The following PITPNM2 variants were observed in gnomAD, a reference collection of about 807,000 sequenced individuals.
PITPNM2 encodes phosphatidylinositol transfer protein membrane associated 2.
PITPNM2 carries 35 observed loss-of-function variants against 132.2 expected under a neutral mutation model. The ratio of observed to expected loss-of-function variants is 0.26; its 90% CI spans 0.20 to 0.35. The LOEUF (loss-of-function observed/expected upper bound fraction) is 0.35, where lower values mean the gene tolerates loss of function less well. PITPNM2 is among the 10% of genes least tolerant of loss of function. The pLI is 1.00. For synonymous variants in PITPNM2, 738 were observed against 799.2 expected (o/e 0.92, Z 1.29); for missense variants, 1,332 against 1,912.0 (o/e 0.70, Z 5.66).
At chr12:123,013,600 C>T (rs143687390) in intron 4 of PITPNM2, among the ~76,000 whole-genome samples, 63 of 152,338 alleles carry the variant, frequency 4.1e-4, no homozygotes, top group Non-Finnish European at 6.5e-4. Context: ...GGCCTCCACA[C>T]GTAGGCAGTC....
chr12:123,051,318 T>C (rs1275938233), intron 2 of PITPNM2, among the ~76,000 whole-genome samples: 2 of 152,254 alleles, frequency 1.3e-5, no homozygotes, highest in East Asian at 3.8e-4. Flanking sequence ...TTTTAAGGGC[T>C]GAATCCCACT....
chr12:123,010,104 C>T, intron 5 of PITPNM2, 27 bp from the exon 6 acceptor site: 2 of 1,572,264 alleles, frequency 1.3e-6, no homozygotes, highest in South Asian at 1.1e-5. Flanking sequence ...AGAGTGGCCA[C>T]TTCTGCCCTG....
chr12:122,995,291 A>C, intron 14 of PITPNM2, 98 bp downstream of exon 14: 1 of 1,476,092 alleles, frequency 6.8e-7, no homozygotes, highest in Non-Finnish European at 9.0e-7. Flanking sequence ...TCAGGCAGAC[A>C]GCCCGGGTCT....
At chr12:123,139,312 A>G (rs1458748516) in intron 1 of PITPNM2, among the ~76,000 whole-genome samples, 1 of 152,042 alleles carries the variant, frequency 6.6e-6, no homozygotes, top group Admixed American at 6.5e-5. Context: ...CATCCTGGCT[A>G]ACACAGTGAA....
intron 17 of PITPNM2, 53 bp downstream of exon 17, chr12:122,990,492 T>A: frequency 3.8e-6 from 6 of 1,599,282 alleles, no homozygotes; most frequent in Non-Finnish European, 4.3e-6. Flanking sequence ...CTGTCCCCTG[T>A]GGGCACAATG....
chr12:122,992,761 T>A lies in PITPNM2; in HGVS notation c.2234-92A>T. ...TTTGGGAACTGGGCACTGGGTTGTCTGCTGAAAGTTAGGGATAAGATGGGG... is the reference window on the plus strand; with the variant it reads ...TTTGGGAACTGGGCACTGGGTTGTCAGCTGAAAGTTAGGGATAAGATGGGG... On this transcript the variant is annotated intron_variant, in intron 15 of 25. Coordinates refer to ENST00000320201, the MANE Select transcript of PITPNM2 (RefSeq NM_020845.3). This position sits in a 1 kb window ranked among gnomAD's most constrained non-coding sequence, Gnocchi z 6.5. 1 of 1,035,392 alleles carries A rather than the reference T, an allele frequency of 9.7e-7. No homozygotes were observed. The highest frequency in any genetic ancestry group is 1.4e-6 in the Non-Finnish European group (1 of 713,360). The allele number at this position is 1,035,392 out of a possible 1,614,324, so 64.1% of individuals were successfully genotyped here. A position where few individuals can be genotyped will look rare whatever the true frequency, so the allele number is the denominator to read the frequency against.
At chr12:123,061,574 T>C (rs2041235646) in intron 2 of PITPNM2, among the ~76,000 whole-genome samples, 1 of 152,226 alleles carries the variant, frequency 6.6e-6, no homozygotes, top group Admixed American at 6.6e-5. Context: ...AAGAAGCTTC[T>C]CAGACCAAAG....
chr12:123,000,846 C>G lies in PITPNM2; in HGVS notation c.1156G>C (p.Gly386Arg). The G allele has an allele frequency of 6.2e-7, 1 of 1,614,046 alleles. No homozygotes were observed. The highest frequency in any genetic ancestry group is 1.3e-5 in the African/African-American group (1 of 75,068). Reference protein sequence around the residue: ...ESPEPEDTQDGLYRQGAPEFR... With the variant: ...ESPEPEDTQDRLYRQGAPEFR... ...TCAGGGGCACCCTGGCGGTACAGAC[C>G]ATCTGCAAAGACACAGAAGCCGTGC... Residue 386 changes from glycine to arginine, a missense_variant and splice_region_variant, in exon 10 of 26, where the codon GGT (glycine) becomes CGT (arginine). Gly to Arg is a moderately radical substitution (Grantham distance 125). This residue lies in a region of PITPNM2 where 710 missense variants were observed against 911.5 expected (regional missense o/e 0.78). Coordinates refer to ENST00000320201, the MANE Select transcript of PITPNM2 (RefSeq NM_020845.3). This position sits in a 1 kb window ranked among gnomAD's most constrained non-coding sequence, Gnocchi z 5.4.
intron 17 of PITPNM2, 54 bp downstream of exon 17, chr12:122,990,489 CTG>C: frequency 6.3e-7 from 1 of 1,597,920 alleles, no homozygotes; most frequent in Non-Finnish European, 8.5e-7. Context: ...CAGCTGTCCC[CTG>C]TGGGCACAAT....
intron 1 of PITPNM2, among the ~76,000 whole-genome samples, chr12:123,130,787 AAG>A (rs1306011122): frequency 6.6e-6 from 1 of 152,184 alleles, no homozygotes; most frequent in Non-Finnish European, 1.5e-5. Flanking sequence ...CTCAAAAAAA[AAG>A]AGTTTTGAGA....
rs1189672468 is a variant in PITPNM2 at position 123,151,050 on chromosome 12, C to T, written c.-497G>A. The stretch of plus-strand genomic sequence containing the variant: ...CGGGGCCGGCTGGACAGCTCTACGC[C>T]GCGGCGCCGCGGTGCCCCGCGCACC... On this transcript the variant is annotated 5_prime_UTR_variant, in exon 1 of 26. Coordinates refer to ENST00000320201, the MANE Select transcript of PITPNM2 (RefSeq NM_020845.3). 3.4e-5 allele frequency among the ~76,000 whole-genome samples: 5 copies of T among 145,648 alleles called. No homozygotes were observed. The highest frequency in any genetic ancestry group is 9.8e-5 in the African/African-American group (4 of 40,700).
At chr12:123,056,701 T>A (rs969059377) in intron 2 of PITPNM2, among the ~76,000 whole-genome samples, 18 of 152,296 alleles carry the variant, frequency 1.2e-4, no homozygotes, top group Admixed American at 4.6e-4. Context: ...ACTGTCCCTG[T>A]CCTCTCCCGG....
chr12:123,075,159 T>C (rs899111060), intron 2 of PITPNM2, among the ~76,000 whole-genome samples: 3 of 148,760 alleles, frequency 2.0e-5, no homozygotes, highest in South Asian at 4.1e-4. Flanking sequence ...TGCAAGCATA[T>C]GTGCACTTGT....
In PITPNM2 at chr12:123,099,685, G is replaced by C. The variant is rs922165640; in HGVS notation, c.-96+10700C>G. On this transcript the variant is annotated intron_variant, in intron 2 of 25. Transcript: ENST00000320201. The surrounding 1 kb of genome is among the most constrained non-coding windows in gnomAD (Gnocchi z 4.2). Reference sequence around the variant, plus strand: ...CCTGGCTCCTGGATGCCTGGCTCCAGGTCCCACTGTGTGCCTGGGTTCAGA... The same window carrying C: ...CCTGGCTCCTGGATGCCTGGCTCCACGTCCCACTGTGTGCCTGGGTTCAGA... Among the ~76,000 whole-genome samples the C allele has an allele frequency of 6.6e-6, 1 of 152,144 alleles. No individual in the cohort carries two copies. Among genetic ancestry groups the C allele is most frequent in the Admixed American group, 6.5e-5 (1 of 15,282 alleles).
At chr12:123,018,875 C>A (rs1047322486) in intron 3 of PITPNM2, among the ~76,000 whole-genome samples, 5 of 150,834 alleles carry the variant, frequency 3.3e-5, no homozygotes, top group African/African-American at 1.2e-4. Flanking sequence ...CCTCTGCCTC[C>A]CAGGCTCAAG....
chr12:123,143,942 G>A (rs2043559013), intron 1 of PITPNM2, among the ~76,000 whole-genome samples: 1 of 152,188 alleles, frequency 6.6e-6, no homozygotes, highest in Non-Finnish European at 1.5e-5. Flanking sequence ...TGGATACACC[G>A]TGGGGGCTGA....
At chr12:123,072,386 G>C (rs1173454226) in intron 2 of PITPNM2, among the ~76,000 whole-genome samples, 4 of 152,214 alleles carry the variant, frequency 2.6e-5, no homozygotes, top group Non-Finnish European at 5.9e-5. Flanking sequence ...GTCTTGCTTA[G>C]AGAAAGGTGA....
intron 2 of PITPNM2, among the ~76,000 whole-genome samples, chr12:123,068,290 A>AC (rs1436905917): frequency 6.6e-6 from 1 of 151,992 alleles, no homozygotes; most frequent in South Asian, 2.1e-4. Flanking sequence ...ACACGGTGAA[A>AC]CCCCGTCTCT....
chr12:123,007,346 TG>T, intron 6 of PITPNM2: 1 of 456,616 alleles, frequency 2.2e-6, no homozygotes, highest in Admixed American at 2.3e-5. Flanking sequence ...TAATTTACAT[TG>T]TTTCTCCATT....
Sources: gnomAD v4.1 joint callset for allele counts (sites outside exome capture counted in the v4.1 genomes callset) on GRCh38, gnomAD v4.1.1 for gene constraint, gnomAD v4.1.1 regional missense constraint, Gnocchi (gnomAD v3.1) non-coding constraint, MANE v1.5 for transcripts, NCBI Gene and HGNC (gene_info 2026-07-23, HGNC 2026-07-21) for gene names.